The following OSBPL1A variants were observed in gnomAD, a reference collection of about 807,000 sequenced individuals.
OSBPL1A encodes oxysterol-binding protein-related protein 1.
OSBPL1A carries 80 observed loss-of-function variants against 137.1 expected under a neutral mutation model. That is an observed-to-expected ratio of 0.58 (90% CI 0.49 to 0.70). The LOEUF (loss-of-function observed/expected upper bound fraction) is 0.70, where lower values mean the gene tolerates loss of function less well. Ranked by LOEUF, OSBPL1A falls within the 30% of genes least tolerant of loss-of-function variation. OSBPL1A has a pLI of 0.00. For missense variants in OSBPL1A, 970 were observed against 1,129.4 expected, an observed-to-expected ratio of 0.86 and a Z score of 2.02; for synonymous variants, 365 against 389.7, an observed-to-expected ratio of 0.94 and a Z score of 0.75.
At chr18:24,214,501 T>C (rs2087636051) in intron 17 of OSBPL1A, among the ~76,000 whole-genome samples, 1 of 152,200 alleles carries the variant, frequency 6.6e-6, no homozygotes, top group Non-Finnish European at 1.5e-5. Context: ...TTGACTATCA[T>C]AGAAATCTCT....
chr18:24,246,095 C>G (rs572833816), intron 15 of OSBPL1A, among the ~76,000 whole-genome samples: 2 of 151,898 alleles, frequency 1.3e-5, no homozygotes, highest in African/African-American at 4.8e-5. Flanking sequence ...GCCTGTAATC[C>G]CAGCTACTTG....
intron 1 of OSBPL1A, among the ~76,000 whole-genome samples, chr18:24,385,588 T>TG (rs1568069460): frequency 6.6e-6 from 1 of 152,000 alleles, no homozygotes; most frequent in African/African-American, 2.4e-5. Context: ...TGGCAGCAGC[T>TG]GAAACCAAGG....
intron 14 of OSBPL1A, among the ~76,000 whole-genome samples, chr18:24,281,279 A>G (rs2089951753): frequency 6.6e-6 from 1 of 151,494 alleles, no homozygotes; most frequent in Non-Finnish European, 1.5e-5. Flanking sequence ...AGAGACGGGG[A>G]TTCACCATAT....
At position 24,259,570 on chromosome 18, in the gene OSBPL1A, C is replaced by T. The variant is rs1055573194; in HGVS notation, c.1282-20188G>A. Among the ~76,000 whole-genome samples, 3 of 152,120 alleles carry T rather than the reference C, an allele frequency of 2.0e-5. No homozygotes were observed. In the South Asian group the frequency reaches 6.2e-4, roughly 32 times the overall value. Reference sequence around the variant, plus strand: ...CTCCTTCCAGCTGACGAAAATTTGACAGTAGGAACAGCCCCTAACACCTGA... The same window carrying T: ...CTCCTTCCAGCTGACGAAAATTTGATAGTAGGAACAGCCCCTAACACCTGA... On this transcript the variant is annotated intron_variant, in intron 15 of 27. Transcript: ENST00000319481.
At chr18:24,328,413 T>A (rs950242912) in intron 7 of OSBPL1A, among the ~76,000 whole-genome samples, 2 of 151,924 alleles carry the variant, frequency 1.3e-5, no homozygotes, top group Non-Finnish European at 2.9e-5. Flanking sequence ...TTTATCCTTT[T>A]CCATTGACTG....
At chr18:24,223,463 T>C (rs574804308) in intron 17 of OSBPL1A, among the ~76,000 whole-genome samples, 1 of 152,274 alleles carries the variant, frequency 6.6e-6, no homozygotes, top group African/African-American at 2.4e-5. Flanking sequence ...TTTATAGGTT[T>C]AGTAAGTTGC....
chr18:24,289,418 GTT>G (rs536281272), intron 14 of OSBPL1A, among the ~76,000 whole-genome samples: 6,381 of 94,046 alleles, frequency 0.068, 402 homozygotes, highest in African/African-American at 0.25. Context: ...GTTTTTTCCT[GTT>G]TTTTTTTTTT....
chr18:24,380,212 C>G (rs753778307), intron 1 of OSBPL1A, among the ~76,000 whole-genome samples: 16 of 152,098 alleles, frequency 1.1e-4, no homozygotes, highest in Non-Finnish European at 1.9e-4. Flanking sequence ...AATTTATTTC[C>G]CATGCAACAC....
intron 2 of OSBPL1A, among the ~76,000 whole-genome samples, chr18:24,376,583 T>G (rs189496892): frequency 3.4e-4 from 52 of 152,322 alleles, no homozygotes; most frequent in South Asian, 6.2e-4. Context: ...GCGCCCGCAC[T>G]CCTCAGCCCT....
intron 15 of OSBPL1A, among the ~76,000 whole-genome samples, chr18:24,276,610 A>T (rs1009849003): frequency 9.9e-5 from 15 of 151,646 alleles, no homozygotes; most frequent in Non-Finnish European, 1.6e-4. Context: ...CACCTGGCTA[A>T]TTTTTTGTAT....
intron 1 of OSBPL1A, among the ~76,000 whole-genome samples, chr18:24,389,275 G>T (rs962774528): frequency 2.0e-5 from 3 of 152,130 alleles, no homozygotes; most frequent in Non-Finnish European, 4.4e-5. Context: ...GAAATAATTA[G>T]ATGGAAAACA....
At chr18:24,336,334 G>T (rs1007232570) in intron 5 of OSBPL1A, among the ~76,000 whole-genome samples, 1 of 152,106 alleles carries the variant, frequency 6.6e-6, no homozygotes, top group Non-Finnish European at 1.5e-5. Context: ...GAAGGAAAAG[G>T]GTCAGGAATA....
chr18:24,303,699 T>C lies in OSBPL1A; in HGVS notation c.1112A>G (p.Gln371Arg). 2 of 1,613,610 alleles carry C rather than the reference T, an allele frequency of 1.2e-6. No homozygotes were observed. The highest frequency in any genetic ancestry group is 1.1e-5 in the South Asian group (1 of 91,066). Residue 371 changes from glutamine (Q) to arginine (R), a missense_variant, in exon 14 of 28, where the codon CAG becomes CGG. Transcript: ENST00000319481. Reference protein sequence around the residue: ...KSLEKAQSCQQRLDREISNFL... With the variant: ...KSLEKAQSCQRRLDREISNFL... ...GTTGGAAATTTCCCTATCTAGTCGC[T>C]GTTGGCATGACTGTGCTTTCTGCAA...
At chr18:24,389,384 T>G (rs974825329) in intron 1 of OSBPL1A, among the ~76,000 whole-genome samples, 1 of 152,222 alleles carries the variant, frequency 6.6e-6, no homozygotes, top group African/African-American at 2.4e-5. Context: ...AATTTTTAAA[T>G]TCTTTTGAGG....
chr18:24,181,437 G>A (rs2086602513), intron 18 of OSBPL1A, among the ~76,000 whole-genome samples, 158 bp from the exon 19 acceptor site: 1 of 152,172 alleles, frequency 6.6e-6, no homozygotes, highest in South Asian at 2.1e-4. Context: ...TCTTTCCAGA[G>A]CACCTAATAC....
At chr18:24,169,813 C>T (rs965525077) in intron 24 of OSBPL1A, among the ~76,000 whole-genome samples, 1 of 152,186 alleles carries the variant, frequency 6.6e-6, no homozygotes, top group African/African-American at 2.4e-5. Flanking sequence ...ATGTGCCTCC[C>T]CTACTGGGAT....
chr18:24,258,032 G>A (rs972660410), intron 15 of OSBPL1A, among the ~76,000 whole-genome samples: 1 of 152,158 alleles, frequency 6.6e-6, no homozygotes, highest in Non-Finnish European at 1.5e-5. Context: ...GTAAATTAGT[G>A]CAACCACTAT....
intron 27 of OSBPL1A, 101 bp downstream of exon 27, chr18:24,164,964 T>C: frequency 1.7e-6 from 2 of 1,174,038 alleles, no homozygotes; most frequent in South Asian, 1.4e-5. Context: ...TTGTGTTAGA[T>C]AGGCCCTTGC....
At chr18:24,165,975 T>C (rs2086137385) in intron 26 of OSBPL1A, among the ~76,000 whole-genome samples, 1 of 152,174 alleles carries the variant, frequency 6.6e-6, no homozygotes, top group African/African-American at 2.4e-5. Context: ...CACGTGCCTG[T>C]AGTCCCAGTT....
Sources: allele counts gnomAD v4.1 joint callset (sites outside exome capture counted in the v4.1 genomes callset), GRCh38; gene constraint gnomAD v4.1.1; transcripts MANE v1.5; gene names NCBI Gene and HGNC (gene_info 2026-07-23, HGNC 2026-07-21).